The following DBN1 variants were observed in gnomAD, a reference collection of about 807,000 sequenced individuals.
DBN1 encodes drebrin.
In DBN1, 21 loss-of-function variants were observed where a neutral mutation model predicts 83.5. That is an observed-to-expected ratio of 0.25 (90% CI 0.18 to 0.36). DBN1 has a LOEUF of 0.36. DBN1 is among the 10% of genes least tolerant of loss of function. The pLI is 1.00. For synonymous variants in DBN1, 381 were observed against 384.9 expected, an observed-to-expected ratio of 0.99 and a Z score of 0.12; for missense variants, 874 against 935.7, an observed-to-expected ratio of 0.93 and a Z score of 0.86.
Position 177,473,447 on chromosome 5 carries a change from G to T in DBN1, c.75C>A (p.Ser25Arg). The T allele has an allele frequency of 7.0e-7, 1 of 1,426,056 alleles. No homozygotes were observed. The highest frequency in any genetic ancestry group is 9.2e-7 in the Non-Finnish European group (1 of 1,082,436). The allele number at this position is 1,426,056 out of a possible 1,614,324, so 88.3% of individuals were successfully genotyped here. The part of the protein sequence containing the change: ...AAYEEVIREE[S>R]AADWALYTYE... ...GGCGGGGGGCTCACCAGTCGGCCGC[G>T]CTCTCCTCTCGGATCACCTCCTCGT... is the stretch of plus-strand genomic sequence containing the variant. Residue 25 changes from serine (S) to arginine (R), a missense_variant, in exon 1 of 15, where the codon AGC becomes AGA. Coordinates refer to ENST00000393565, the MANE Select transcript of DBN1 (RefSeq NM_001363541.2).
Position 177,458,616 on chromosome 5 carries a change from C to G in DBN1, c.1356G>C (p.Gln452His), listed in dbSNP as rs978688099. The change falls in exon 13 of 15, where the codon CAG becomes CAC. Residue 452 changes from glutamine (Q) to histidine (H), a missense_variant. Transcript: ENST00000393565. The part of the protein sequence containing the change: ...AWAGPMEEPP[Q>H]AQAPPRGPGS... ...CTGGCCCCCGGGGAGGCGCCTGTGC[C>G]TGAGGGGGCTCCTCCATGGGGCCGG... The G allele has an allele frequency of 6.2e-7, 1 of 1,610,578 alleles. No individual in the cohort carries two copies.
At chr5:177,473,245 C>T (rs1240685316) in intron 1 of DBN1, 191 bp downstream of exon 1, 2 of 248,430 alleles carry the variant, frequency 8.1e-6, no homozygotes, top group African/African-American at 2.3e-5. Flanking sequence ...CGGGGCCCGG[C>T]AGTGCCCCGC....
At chr5:177,463,523 C>T (rs544236145) in intron 8 of DBN1, among the ~76,000 whole-genome samples, 2 of 152,292 alleles carry the variant, frequency 1.3e-5, no homozygotes, top group East Asian at 1.9e-4. Flanking sequence ...GAACACAATT[C>T]GTAACAGGGG....
At chr5:177,464,534 C>T (rs1422678341) in intron 8 of DBN1, among the ~76,000 whole-genome samples, 1 of 151,508 alleles carries the variant, frequency 6.6e-6, no homozygotes, top group Non-Finnish European at 1.5e-5. Flanking sequence ...CCGAGGAGGG[C>T]AGATCATGAG....
chr5:177,464,536 GATC>G (rs1705281804), intron 8 of DBN1, among the ~76,000 whole-genome samples: 1 of 151,882 alleles, frequency 6.6e-6, no homozygotes, highest in South Asian at 2.1e-4. Flanking sequence ...GAGGAGGGCA[GATC>G]ATGAGGTTAA....
Position 177,460,719 on chromosome 5 carries a change from A to T in DBN1, c.772-16T>A, listed in dbSNP as rs374207611. The T allele has an allele frequency of 1.2e-4, 200 of 1,613,130 alleles. No homozygotes were observed. The highest frequency in any genetic ancestry group is 1.6e-4 in the Non-Finnish European group (192 of 1,179,702). Reference sequence around the variant, plus strand: ...GATGGTCACCCTAGAAACCAAAGGGACAGTGTCTGGTGCACCTACCCCCCA... The same window carrying T: ...GATGGTCACCCTAGAAACCAAAGGGTCAGTGTCTGGTGCACCTACCCCCCA... On this transcript the variant is annotated splice_polypyrimidine_tract_variant and intron_variant, in intron 8 of 14. Coordinates refer to ENST00000393565, the MANE Select transcript of DBN1 (RefSeq NM_001363541.2).
chr5:177,461,320 G>A (rs535086696), intron 8 of DBN1, among the ~76,000 whole-genome samples: 3 of 150,626 alleles, frequency 2.0e-5, no homozygotes, highest in Non-Finnish European at 4.4e-5. Flanking sequence ...GGATGGTCTC[G>A]ATCTCCTGAC....
At chr5:177,473,295 CCCCTCCCGG>C (rs534504564) in intron 1 of DBN1, 132 bp downstream of exon 1, 8 of 418,314 alleles carry the variant, frequency 1.9e-5, no homozygotes, top group East Asian at 4.1e-5. Flanking sequence ...ACAAAGGCAG[CCCCTCCCGG>C]CCCTCCCGGC....
intron 1 of DBN1, among the ~76,000 whole-genome samples, chr5:177,471,523 C>T (rs917486493): frequency 2.0e-5 from 3 of 152,116 alleles, no homozygotes; most frequent in Non-Finnish European, 2.9e-5. Context: ...ACACCCCTCC[C>T]TCTGGACCTA....
At chr5:177,464,230 G>A (rs1757247750) in intron 8 of DBN1, among the ~76,000 whole-genome samples, 1 of 151,498 alleles carries the variant, frequency 6.6e-6, no homozygotes, top group Non-Finnish European at 1.5e-5. Context: ...GGTGGATCAC[G>A]AGGTCAGGAG....
chr5:177,463,044 T>A (rs1374772553), intron 8 of DBN1, among the ~76,000 whole-genome samples: 1 of 143,560 alleles, frequency 7.0e-6, no homozygotes. Flanking sequence ...CCACAAAGGC[T>A]TTTTTTTTTT....
intron 8 of DBN1, among the ~76,000 whole-genome samples, chr5:177,461,042 G>C (rs1160333094): frequency 1.3e-5 from 2 of 150,296 alleles, no homozygotes; most frequent in Non-Finnish European, 3.0e-5. Context: ...GCCTCCCAAA[G>C]TGTTGGGATG....
At position 177,467,598 on chromosome 5, in the gene DBN1, G is replaced by A. The variant is rs766907796; in HGVS notation, c.360C>T (p.Ser120=). ...TGGCACCCGCGTCTATGTCTTCCAC[G>A]CTGCTGGCGTTCACGATCACGTCGA... The part of the protein sequence containing the change: ...QGVDVIVNAS[S]VEDIDAGAIG... The change falls in exon 5 of 15, where the codon AGC becomes AGT. Residue 120 remains serine (S), a synonymous_variant. Transcript: ENST00000393565. This position sits in a 1 kb window ranked among gnomAD's most constrained non-coding sequence, Gnocchi z 9.1. 19 of 1,570,766 alleles carry A rather than the reference G, an allele frequency of 1.2e-5. No homozygotes were observed. The highest frequency in any genetic ancestry group is 1.2e-4 in the South Asian group (10 of 86,324).
intron 1 of DBN1, chr5:177,472,420 G>C (rs985787242): frequency 2.9e-6 from 4 of 1,401,966 alleles, no homozygotes; most frequent in East Asian, 5.9e-5. Flanking sequence ...TATTACGGGG[G>C]GGTTAAAGGA....
rs1212863497 is a variant in DBN1, at chr5:177,473,411, CCGGGGGCGGGGG to C, written c.86+13_86+24del. 9.8e-6 allele frequency: 13 copies of C among 1,324,998 alleles called. No individual in the cohort carries two copies. The highest frequency in any genetic ancestry group is 3.1e-5 in the East Asian group (1 of 32,038). 82.1% of individuals were successfully genotyped at this position (1,324,998 alleles called of 1,614,324 possible). A position where few individuals can be genotyped will look rare whatever the true frequency, so the allele number is the denominator to read the frequency against. The stretch of plus-strand genomic sequence containing the variant: ...CGGCGGCGGCGCGGGGACAAAGGGG[CCGGGGGCGGGGG>C]CGGGGGGCTCACCAGTCGGCCGCGC... On this transcript the variant is annotated intron_variant, in intron 1 of 14. Coordinates refer to ENST00000393565, the MANE Select transcript of DBN1 (RefSeq NM_001363541.2).
chr5:177,469,815 G>C (rs1757717999), intron 1 of DBN1, among the ~76,000 whole-genome samples: 1 of 152,228 alleles, frequency 6.6e-6, no homozygotes, highest in Non-Finnish European at 1.5e-5. Context: ...GGAGGGAGGA[G>C]AGCCGGGGCC....
rs371979539 is a variant in DBN1, at chr5:177,467,724, G to A, written c.330+19C>T. ...GGTGGCTGTCCCCACCCCCAAGAGC[G>A]CTGGCCCCTGACACGCACCTGGAAG... On this transcript the variant is annotated intron_variant, in intron 4 of 14. Transcript: ENST00000393565. The surrounding 1 kb of genome is among the most constrained non-coding windows in gnomAD (Gnocchi z 9.1). 4.5e-5 allele frequency: 70 copies of A among 1,552,370 alleles called. No homozygotes were observed. The highest frequency in any genetic ancestry group is 5.7e-5 in the Non-Finnish European group (65 of 1,147,850).
chr5:177,468,944 C>T (rs774096085), intron 1 of DBN1, 45 bp from the exon 2 acceptor site: 17 of 1,266,544 alleles, frequency 1.3e-5, no homozygotes, highest in African/African-American at 1.5e-5. Context: ...GGGCCCAGGC[C>T]GCCAATTCTG....
intron 8 of DBN1, chr5:177,462,145 G>A: frequency 1.1e-6 from 1 of 889,010 alleles, no homozygotes. Context: ...GCCCGCACTT[G>A]GCCTACGTCC....
Sources: allele counts gnomAD v4.1 joint callset (sites outside exome capture counted in the v4.1 genomes callset), GRCh38; gene constraint gnomAD v4.1.1; non-coding constraint Gnocchi (gnomAD v3.1); transcripts MANE v1.5; gene names NCBI Gene and HGNC (gene_info 2026-07-23, HGNC 2026-07-21).